The following FAM135B variants were observed in gnomAD, a reference collection of about 807,000 sequenced individuals.
The protein encoded by FAM135B is protein FAM135B.
A neutral mutation model predicts 127.7 loss-of-function variants in FAM135B; 43 were observed. The ratio of observed to expected loss-of-function variants is 0.34; its 90% confidence interval spans 0.26 to 0.43. The LOEUF (loss-of-function observed/expected upper bound fraction) is 0.43, where lower values mean the gene tolerates loss of function less well. Ranked by LOEUF, FAM135B falls within the 20% of genes least tolerant of loss-of-function variation. The pLI is 1.00. For missense variants in FAM135B, 1,558 were observed against 1,725.6 expected, an observed-to-expected ratio of 0.90 and a Z score of 1.72; for synonymous variants, 670 against 665.1, an observed-to-expected ratio of 1.01 and a Z score of -0.11.
chr8:138,399,332 C>T (rs1010930488), intron 1 of FAM135B, among the ~76,000 whole-genome samples: 2 of 152,172 alleles, frequency 1.3e-5, no homozygotes, highest in Non-Finnish European at 2.9e-5. Flanking sequence ...AAGGATGAGA[C>T]AGATTATTCC....
At chr8:138,310,070 C>A (rs1826560879) in intron 3 of FAM135B, among the ~76,000 whole-genome samples, 1 of 151,910 alleles carries the variant, frequency 6.6e-6, no homozygotes, top group Non-Finnish European at 1.5e-5. Context: ...AGGGTTTCAC[C>A]TTGTTGACCA....
intron 2 of FAM135B, among the ~76,000 whole-genome samples, chr8:138,337,686 A>C (rs1828712141): frequency 6.6e-6 from 1 of 152,142 alleles, no homozygotes; most frequent in South Asian, 2.1e-4. Context: ...AAACTGCCCA[A>C]GGTAATTTAT....
chr8:138,177,307 C>T (rs751435240), intron 11 of FAM135B, 40 bp downstream of exon 11: 120 of 1,591,832 alleles, frequency 7.5e-5, no homozygotes, highest in Admixed American at 4.2e-4. Context: ...TCTTGGGTGG[C>T]TGCTTTTAGG....
At position 138,132,486 on chromosome 8, in the gene FAM135B, A is replaced by G. The variant is rs1037068552; in HGVS notation, c.*107T>C. 798 of 928,352 alleles carry G rather than the reference A, an allele frequency of 8.6e-4. 2 individuals are homozygous for G. Among genetic ancestry groups the G allele is most frequent in the Non-Finnish European group, 8.3e-4 (492 of 591,174 alleles). 57.5% of individuals were successfully genotyped at this position (928,352 alleles called of 1,614,324 possible). A position where few individuals can be genotyped will look rare whatever the true frequency, so the allele number is the denominator to read the frequency against. On this transcript the variant is annotated 3_prime_UTR_variant, in exon 20 of 20. Transcript: ENST00000395297. This position sits in a 1 kb window ranked among gnomAD's most constrained non-coding sequence, Gnocchi z 4.5. ...GTTCCACCCGAGCCTCCGTCCCCCAATGCTGTTGAAGCTTCATTCTGAAAT... is the reference window on the plus strand; with the variant it reads ...GTTCCACCCGAGCCTCCGTCCCCCAGTGCTGTTGAAGCTTCATTCTGAAAT...
chr8:138,435,238 A>G (rs1835396592), intron 1 of FAM135B, among the ~76,000 whole-genome samples: 1 of 152,158 alleles, frequency 6.6e-6, no homozygotes. Context: ...CAGAGGTTGC[A>G]GTGAGCCAAG....
In FAM135B at chr8:138,143,029, G is replaced by A. The variant is rs773920168; in HGVS notation, c.3621C>T (p.Leu1207=). Residue 1207 remains leucine, a synonymous_variant, in exon 16 of 20, where the codon CTC becomes CTT. Coordinates refer to ENST00000395297, the MANE Select transcript of FAM135B (RefSeq NM_015912.4). ...CCTTTTACCTAATTCGGGATATGGA[G>A]AGGTTGTACAACTGAATGTGTTGAA... ...EIIQHIQLYN[L]SISRISFIGH... 6.3e-7 allele frequency: 1 copy of A among 1,594,818 alleles called. No homozygotes were observed. Among genetic ancestry groups the A allele is most frequent in the South Asian group, 1.1e-5 (1 of 90,694 alleles).
intron 7 of FAM135B, among the ~76,000 whole-genome samples, chr8:138,226,291 T>A (rs1819446501): frequency 6.6e-6 from 1 of 151,870 alleles, no homozygotes; most frequent in South Asian, 2.1e-4. Flanking sequence ...AACAAGAACA[T>A]CTTTGAAACC....
chr8:138,356,987 A>T (rs749129205), intron 2 of FAM135B, among the ~76,000 whole-genome samples: 3 of 152,164 alleles, frequency 2.0e-5, no homozygotes, highest in Non-Finnish European at 4.4e-5. Flanking sequence ...CAATTAAGTC[A>T]AAGATCATTT....
In FAM135B at chr8:138,197,549, G is replaced by T. The variant is rs766848974; in HGVS notation, c.790C>A (p.Arg264=). The T allele has an allele frequency of 1.2e-6, 2 of 1,614,070 alleles. No individual in the cohort carries two copies. The highest frequency in any genetic ancestry group is 1.7e-6 in the Non-Finnish European group (2 of 1,180,012). ...GTGTGTGGCAGCTCTGGGATGTCCC[G>T]CATGATCACCAGGAAGTGGAGACGG... is the stretch of plus-strand genomic sequence containing the variant. ...GLRLHFLVIM[R]DIPELPHTEL... is the part of the protein sequence containing the mutation. Residue 264 remains arginine, a synonymous_variant, in exon 8 of 20, where the codon CGG becomes AGG. Coordinates refer to ENST00000395297, the MANE Select transcript of FAM135B (RefSeq NM_015912.4).
At chr8:138,430,187 T>C (rs534439455) in intron 1 of FAM135B, among the ~76,000 whole-genome samples, 2 of 152,164 alleles carry the variant, frequency 1.3e-5, no homozygotes, top group Non-Finnish European at 2.9e-5. Flanking sequence ...AAACGGCTGC[T>C]GCTTCATAAA....
chr8:138,238,758 G>A (rs550498402), intron 7 of FAM135B, among the ~76,000 whole-genome samples: 11 of 152,342 alleles, frequency 7.2e-5, no homozygotes, highest in African/African-American at 2.6e-4. Flanking sequence ...AAGCTCCCAG[G>A]GGAGGTGGAG....
intron 2 of FAM135B, among the ~76,000 whole-genome samples, chr8:138,347,659 C>A (rs1563922874): frequency 1.3e-5 from 2 of 152,130 alleles, no homozygotes; most frequent in African/African-American, 2.4e-5. Flanking sequence ...CGTCAGTCAC[C>A]TACCATCATC....
intron 9 of FAM135B, among the ~76,000 whole-genome samples, chr8:138,187,444 C>T (rs973881131): frequency 2.0e-5 from 3 of 152,190 alleles, no homozygotes; most frequent in African/African-American, 7.2e-5. Context: ...TTCATCTACA[C>T]AACAAGGCCA....
At chr8:138,316,732 C>A (rs534660346) in intron 2 of FAM135B, among the ~76,000 whole-genome samples, 1 of 151,250 alleles carries the variant, frequency 6.6e-6, no homozygotes, top group Non-Finnish European at 1.5e-5. Flanking sequence ...TGTAATCCCA[C>A]CACTTTGGGA....
At chr8:138,137,293 C>A (rs778603759) in intron 18 of FAM135B, 33 bp from the exon 19 acceptor site, 2 of 1,206,094 alleles carry the variant, frequency 1.7e-6, no homozygotes, top group South Asian at 2.4e-5. Flanking sequence ...TGCTTTTTAC[C>A]CAGGTAGTTT....
At chr8:138,368,764 A>C (rs1260893788) in intron 1 of FAM135B, among the ~76,000 whole-genome samples, 1 of 152,140 alleles carries the variant, frequency 6.6e-6, no homozygotes, top group East Asian at 1.9e-4. Context: ...AAAAAACATT[A>C]AAACAGTCCA....
intron 9 of FAM135B, among the ~76,000 whole-genome samples, chr8:138,188,347 T>C (rs1434154332): frequency 6.6e-6 from 1 of 152,104 alleles, no homozygotes; most frequent in Non-Finnish European, 1.5e-5. Flanking sequence ...GCACCTCAAG[T>C]GAGGCCTGTC....
intron 7 of FAM135B, among the ~76,000 whole-genome samples, chr8:138,217,774 T>G (rs992567367): frequency 2.6e-5 from 4 of 152,178 alleles, no homozygotes; most frequent in Non-Finnish European, 5.9e-5. Context: ...TTTCCTCCTA[T>G]GCGTGAGGCG....
At chr8:138,314,469 C>T (rs747022590) in intron 2 of FAM135B, among the ~76,000 whole-genome samples, 37 of 151,810 alleles carry the variant, frequency 2.4e-4, no homozygotes, top group African/African-American at 3.6e-4. Context: ...AGTGGGCAAA[C>T]GCAAGAAAAA....
Sources: allele counts gnomAD v4.1 joint callset (sites outside exome capture counted in the v4.1 genomes callset), GRCh38; gene constraint gnomAD v4.1.1; non-coding constraint Gnocchi (gnomAD v3.1); transcripts MANE v1.5; gene names NCBI Gene and HGNC (gene_info 2026-07-23, HGNC 2026-07-21).